Variants in TJP2 observed in about 807,000 individuals in gnomAD.
The protein encoded by TJP2 is tight junction protein 2.
TJP2 carries 91 observed loss-of-function variants against 133.1 expected under a neutral mutation model. The observed-to-expected ratio is 0.68, with a 90% confidence interval of 0.58 to 0.81. TJP2 has a LOEUF of 0.81. Ranked by LOEUF, TJP2 falls within the 40% of genes least tolerant of loss-of-function variation. The pLI is 0.00. For missense variants in TJP2, 1,541 were observed against 1,565.6 expected, an observed-to-expected ratio of 0.98 and a Z score of 0.26; for synonymous variants, 592 against 583.4, an observed-to-expected ratio of 1.01 and a Z score of -0.21.
intron 1 of TJP2, among the ~76,000 whole-genome samples, chr9:69,122,594 T>G (rs1289583954): frequency 6.6e-6 from 1 of 152,248 alleles, no homozygotes; most frequent in Non-Finnish European, 1.5e-5. Flanking sequence ...TAGGGAGCTC[T>G]CAGTCAAAAC....
intron 1 of TJP2, chr9:69,205,213 T>C (rs923563567): frequency 6.5e-7 from 1 of 1,537,094 alleles, no homozygotes; most frequent in African/African-American, 1.4e-5. Context: ...TGTTAAAAAG[T>C]TGAGGAGATG....
intron 1 of TJP2, among the ~76,000 whole-genome samples, chr9:69,131,445 C>A (rs930348512): frequency 6.6e-6 from 1 of 152,178 alleles, no homozygotes; most frequent in African/African-American, 2.4e-5. Flanking sequence ...ACTCTTCCCA[C>A]TCACGTCACA....
chr9:69,177,440 T>A (rs918541754), intron 1 of TJP2, among the ~76,000 whole-genome samples: 6 of 152,222 alleles, frequency 3.9e-5, no homozygotes, highest in Non-Finnish European at 8.8e-5. Context: ...TAAAAAGCTA[T>A]TTAGGGCCTG....
At chr9:69,230,745 G>T (rs764056719) in intron 11 of TJP2, among the ~76,000 whole-genome samples, 1 of 152,170 alleles carries the variant, frequency 6.6e-6, no homozygotes, top group Non-Finnish European at 1.5e-5. Flanking sequence ...GAGAATACCT[G>T]CCTCGCAGGG....
At chr9:69,176,694 T>C (rs1825118253) in intron 1 of TJP2, among the ~76,000 whole-genome samples, 1 of 152,216 alleles carries the variant, frequency 6.6e-6, no homozygotes, top group Admixed American at 6.5e-5. Flanking sequence ...CATTTAACTT[T>C]TGATCTAGTT....
In TJP2 at chr9:69,229,265, C is replaced by G. The variant is rs1290286225; in HGVS notation, c.1520+15C>G. 1 of 1,611,556 alleles carries G rather than the reference C, an allele frequency of 6.2e-7. No individual in the cohort carries two copies. Among genetic ancestry groups the G allele is most frequent in the Non-Finnish European group, 8.5e-7 (1 of 1,177,680 alleles). On this transcript the variant is annotated intron_variant, in intron 10 of 22. Transcript: ENST00000377245. ...GCAATATATGGGTATGTATTTCCGT[C>G]TCTCTTTGTTTTCCCTTCTTCCTTA...
Position 69,142,628 on chromosome 9 carries a change from T to G in TJP2, c.-130-9023T>G, listed in dbSNP as rs565344190. ...TGTACAGGGCATTAGTTCATTTCCC[T>G]TTTTATACTTCCAAAGCACAGTAAC... On this transcript the variant is annotated intron_variant, in intron 1 of 5. Transcript: ENST00000423935. Among the ~76,000 whole-genome samples the G allele has an allele frequency of 1.2e-3, 181 of 152,308 alleles. 1 individual carries two copies. The highest frequency in any genetic ancestry group is 1.9e-3 in the Non-Finnish European group (128 of 68,020).
chr9:69,156,681 G>A (rs1040614852), intron 2 of TJP2, among the ~76,000 whole-genome samples: 1 of 151,756 alleles, frequency 6.6e-6, no homozygotes, highest in African/African-American at 2.4e-5. Flanking sequence ...ACAGGCGCCC[G>A]CCACTGCGCC....
intron 16 of TJP2, among the ~76,000 whole-genome samples, chr9:69,239,108 G>A (rs897763041): frequency 6.6e-6 from 1 of 152,226 alleles, no homozygotes; most frequent in African/African-American, 2.4e-5. Flanking sequence ...AGAATCGCTT[G>A]AACTCAGGAG....
At chr9:69,238,313 G>A (rs12686420) in intron 15 of TJP2, among the ~76,000 whole-genome samples, 34,854 of 152,112 alleles carry the variant, frequency 0.23, 4,413 homozygotes, top group East Asian at 0.45. Context: ...TTTGTATATA[G>A]TCCATTTTCC....
In TJP2 at chr9:69,139,122, T is replaced by A. The variant is rs988882734; in HGVS notation, c.-130-12529T>A. On this transcript the variant is annotated intron_variant, in intron 1 of 5. Coordinates refer to the TJP2 transcript ENST00000423935. The stretch of plus-strand genomic sequence containing the variant: ...ATCCCAGCTGCTGGGGAGGCTGAGG[T>A]GGGAGAATCGCTTGAACCCTGGAGG... 9.4e-5 allele frequency among the ~76,000 whole-genome samples: 14 copies of A among 148,410 alleles called. No individual in the cohort carries two copies. The East Asian group carries it at 1.4e-3, about 15-fold the overall frequency.
At chr9:69,246,667 C>A in intron 17 of TJP2, 23 bp from the exon 18 acceptor site, 2 of 1,596,652 alleles carry the variant, frequency 1.3e-6, no homozygotes, top group Non-Finnish European at 1.7e-6. Flanking sequence ...TTAATGCAGA[C>A]CTTTTTGTTT....
intron 5 of TJP2, among the ~76,000 whole-genome samples, chr9:69,221,702 C>T (rs1410480373): frequency 2.6e-5 from 4 of 151,442 alleles, no homozygotes; most frequent in South Asian, 4.2e-4. Context: ...TACAGGCACC[C>T]GCCACCACGC....
Position 69,221,289 on chromosome 9 carries a change from T to TA in TJP2, c.746dup (p.Tyr249Ter). The TA allele has an allele frequency of 6.2e-7, 1 of 1,607,396 alleles. No homozygotes were observed. Among genetic ancestry groups the TA allele is most frequent in the Non-Finnish European group, 8.5e-7 (1 of 1,177,390 alleles). Residue 249 changes from tyrosine (Y) to a stop codon, truncating the protein, a stop_gained and frameshift_variant, in exon 5 of 23, where the codon TAC becomes TAAC. Transcript: ENST00000377245. LOFTEE classifies it high-confidence loss of function. ...RSRGRSIDQD[Y>*]ERAYHRAYDP... is the part of the protein sequence containing the mutation. ...CCGCGGCCGGAGCATTGACCAGGAC[T>TA]ACGAGCGAGCCTATCACCGGGCCTA... is the stretch of plus-strand genomic sequence containing the variant.
intron 5 of TJP2, among the ~76,000 whole-genome samples, chr9:69,223,353 G>GGCA (rs1438476470): frequency 1.3e-5 from 2 of 152,094 alleles, no homozygotes; most frequent in Non-Finnish European, 2.9e-5. Flanking sequence ...TTTCGCCCAG[G>GGCA]GTGGAGTGCA....
At chr9:69,171,235 T>C (rs1824663356), upstream of TJP2, among the ~76,000 whole-genome samples, 1 of 152,220 alleles carries the variant, frequency 6.6e-6, no homozygotes, top group South Asian at 2.1e-4. Context: ...CAGGCAGTCA[T>C]CCAGCCTGCT....
rs11145378 is a variant in TJP2 at position 69,128,038 on chromosome 9, A to C, written c.-131+6313A>C. Among the ~76,000 whole-genome samples the C allele has an allele frequency of 2.7e-5, 2 of 74,066 alleles. 1 individual carries two copies. Among genetic ancestry groups the C allele is most frequent in the East Asian group, 8.3e-4 (2 of 2,416 alleles). The allele number at this position is 74,066 out of a possible 152,430, so 48.6% of individuals were successfully genotyped here. A position where few individuals can be genotyped will look rare whatever the true frequency, so the allele number is the denominator to read the frequency against. On this transcript the variant is annotated intron_variant, in intron 1 of 5. Transcript: ENST00000423935. ...AGCAGTCCTCCTGTCTCGGCCTCCC[A>C]AAGTGCTAAGATTATAGGTGTGAGC...
chr9:69,128,869 G>A (rs1201437826), intron 1 of TJP2, among the ~76,000 whole-genome samples: 1 of 152,132 alleles, frequency 6.6e-6, no homozygotes, highest in African/African-American at 2.4e-5. Context: ...TCTTTTCCAA[G>A]GGAAAAGGAC....
At chr9:69,134,661 G>A (rs1055503407) in intron 1 of TJP2, among the ~76,000 whole-genome samples, 3 of 152,216 alleles carry the variant, frequency 2.0e-5, no homozygotes, top group Admixed American at 6.5e-5. Flanking sequence ...GGTCAATAGA[G>A]GAAGTACCAC....
Sources: allele counts gnomAD v4.1 joint callset (sites outside exome capture counted in the v4.1 genomes callset), GRCh38; gene constraint gnomAD v4.1.1; transcripts MANE v1.5; gene names NCBI Gene and HGNC (gene_info 2026-07-23, HGNC 2026-07-21).